The following CSMD2 variants were observed in gnomAD, a reference collection of about 807,000 sequenced individuals.
CSMD2 encodes the protein CUB and sushi domain-containing protein 2.
In CSMD2, 130 loss-of-function variants were observed where a neutral mutation model predicts 398.5. The ratio of observed to expected loss-of-function variants is 0.33; its 90% CI spans 0.28 to 0.38. CSMD2 has a LOEUF of 0.38. Ranked by LOEUF, CSMD2 falls within the 10% of genes least tolerant of loss-of-function variation. The pLI, the probability that CSMD2 is intolerant of heterozygous loss-of-function variation, is 1.00. For synonymous variants in CSMD2, 1,828 were observed against 1,908.5 expected, an observed-to-expected ratio of 0.96 and a Z score of 1.10; for missense variants, 3,829 against 4,764.9, an observed-to-expected ratio of 0.80 and a Z score of 5.78.
chr1:33,935,603 C>T (rs756170676), intron 4 of CSMD2, among the ~76,000 whole-genome samples, 157 bp downstream of exon 4: 8 of 152,160 alleles, frequency 5.3e-5, no homozygotes, highest in Non-Finnish European at 1.2e-4. Context: ...CCCTAGAACA[C>T]TTGAGGACCC....
At chr1:33,937,023 CGTGA>C (rs745453727) in intron 3 of CSMD2, among the ~76,000 whole-genome samples, 13 of 152,278 alleles carry the variant, frequency 8.5e-5, no homozygotes, top group African/African-American at 1.4e-4. Flanking sequence ...CCTGTGGGAC[CGTGA>C]GTAAGTCTTT....
chr1:33,524,960 C>G lies in CSMD2; in HGVS notation c.10318G>C (p.Val3440Leu), dbSNP rs778291440. ...CTGTTGGCAACTTGGAAGCCAGTCA[C>G]TCTGAGCATGGCTGGCTGCTTCTTC... is the stretch of plus-strand genomic sequence containing the variant. Reference protein sequence around the residue: ...QGKKQPAMLRVTGFQVANSKV... With the variant: ...QGKKQPAMLRLTGFQVANSKV... Residue 3440 changes from valine to leucine, a missense_variant, in exon 66 of 71, where the codon GTG becomes CTG. By Grantham distance (32) the Val-to-Leu change is conservative. Coordinates refer to ENST00000373381, the MANE Select transcript of CSMD2 (RefSeq NM_001281956.2). The G allele has an allele frequency of 6.2e-7, 1 of 1,614,240 alleles. No homozygotes were observed. Among genetic ancestry groups the G allele is most frequent in the South Asian group, 1.1e-5 (1 of 91,088 alleles).
intron 5 of CSMD2, among the ~76,000 whole-genome samples, chr1:33,912,364 G>A (rs569640955): frequency 6.6e-6 from 1 of 152,096 alleles, no homozygotes; most frequent in Non-Finnish European, 1.5e-5. Context: ...GATCTACACA[G>A]AAATCCCACG....
At chr1:34,096,144 A>T (rs1226265914) in intron 1 of CSMD2, among the ~76,000 whole-genome samples, 1 of 152,056 alleles carries the variant, frequency 6.6e-6, no homozygotes, top group Admixed American at 6.6e-5. Flanking sequence ...ATATAAACAG[A>T]GCCAAAGACA....
At chr1:34,016,764 T>C (rs374789522) in intron 3 of CSMD2, among the ~76,000 whole-genome samples, 2 of 151,740 alleles carry the variant, frequency 1.3e-5, no homozygotes, top group East Asian at 3.9e-4. Flanking sequence ...GGTTGAAATA[T>C]ATGTATTTAG....
intron 13 of CSMD2, among the ~76,000 whole-genome samples, chr1:33,745,510 T>C (rs1382895079): frequency 6.6e-6 from 1 of 152,178 alleles, no homozygotes; most frequent in Non-Finnish European, 1.5e-5. Flanking sequence ...TGAAAAATAA[T>C]AAAATCATGT....
chr1:33,918,258 G>A lies in CSMD2; in HGVS notation c.756C>T (p.Ile252=). The A allele has an allele frequency of 6.2e-7, 1 of 1,614,144 alleles. No homozygotes were observed. The highest frequency in any genetic ancestry group is 8.5e-7 in the Non-Finnish European group (1 of 1,180,036). ...CGGTLRGQSG[I]ISSPHFPSEY... is the part of the protein sequence containing the mutation. Reference sequence around the variant, plus strand: ...CCGAGGGGAAGTGGGGGCTGGAGATGATGCCACTCTGGCCCCGCAGGGTCC... The same window carrying A: ...CCGAGGGGAAGTGGGGGCTGGAGATAATGCCACTCTGGCCCCGCAGGGTCC... Residue 252 remains isoleucine (I), a synonymous_variant, in exon 5 of 71, where the codon ATC becomes ATT. Transcript: ENST00000373381.
At chr1:33,545,997 G>A in intron 57 of CSMD2, 40 bp downstream of exon 57, 2 of 1,573,430 alleles carry the variant, frequency 1.3e-6, no homozygotes, top group Non-Finnish European at 1.7e-6. Flanking sequence ...GAGCTCTGGG[G>A]CTGGGCAAAG....
intron 24 of CSMD2, among the ~76,000 whole-genome samples, chr1:33,696,568 G>C (rs950459296): frequency 6.6e-6 from 1 of 152,156 alleles, no homozygotes; most frequent in African/African-American, 2.4e-5. Context: ...TCCACAAATA[G>C]AGGAAGTAGC....
At chr1:33,675,169 A>C (rs1571182468) in intron 25 of CSMD2, among the ~76,000 whole-genome samples, 1 of 152,222 alleles carries the variant, frequency 6.6e-6, no homozygotes, top group Admixed American at 6.5e-5. Flanking sequence ...TGAATCCAGG[A>C]GCTAGTTTTT....
In CSMD2 at chr1:33,767,425, TG is replaced by T. The variant is rs139920082; in HGVS notation, c.1846+5143del. Among the ~76,000 whole-genome samples the T allele has an allele frequency of 1.9e-3, 289 of 152,322 alleles. 2 individuals are homozygous for T. The South Asian group carries it at 0.022, about 12-fold the overall frequency. ...CATACCAAAAGTCTCTGTCAAGTAT[TG>T]GCCCTTGAGCTCCAGATACGTCTAG... On this transcript the variant is annotated intron_variant, in intron 13 of 70. Transcript: ENST00000373381.
chr1:33,677,590 C>A (rs867651737), intron 25 of CSMD2, among the ~76,000 whole-genome samples: 8 of 152,158 alleles, frequency 5.3e-5, no homozygotes, highest in South Asian at 2.1e-4. Context: ...CCATTTGATT[C>A]AGCCATTCCA....
At chr1:33,714,468 G>T in intron 21 of CSMD2, 119 bp downstream of exon 21, 1 of 1,189,968 alleles carries the variant, frequency 8.4e-7, no homozygotes. Context: ...GCAGGTAAGT[G>T]TGGTAAGTGT....
intron 5 of CSMD2, among the ~76,000 whole-genome samples, chr1:33,905,024 T>C (rs1417232658): frequency 6.6e-6 from 1 of 152,078 alleles, no homozygotes; most frequent in Admixed American, 6.5e-5. Context: ...AAGCTGGTCT[T>C]GAACTCCTGA....
At chr1:34,075,311 A>AGG (rs1656204568) in intron 2 of CSMD2, among the ~76,000 whole-genome samples, 1 of 152,252 alleles carries the variant, frequency 6.6e-6, no homozygotes, top group Non-Finnish European at 1.5e-5. Context: ...TCTGGAGAGC[A>AGG]GACCCTTCAA....
At position 33,602,498 on chromosome 1, in the gene CSMD2, G is replaced by A. The variant is rs200638784; in HGVS notation, c.6581C>T (p.Pro2194Leu). 5.1e-5 allele frequency: 83 copies of A among 1,612,616 alleles called. No individual in the cohort carries two copies. The highest frequency in any genetic ancestry group is 1.6e-4 in the East Asian group (7 of 44,870). The change falls in exon 43 of 71, where the codon CCG becomes CTG. Residue 2194 changes from proline to leucine, a missense_variant. Pro to Leu is a moderately conservative substitution (Grantham distance 98). Around this residue, in one of 5 missense-constraint regions of CSMD2, gnomAD observed 723 missense variants for 758.6 expected, o/e 0.95. Coordinates refer to ENST00000373381, the MANE Select transcript of CSMD2 (RefSeq NM_001281956.2). ...ITSSNGTVYSPGFPSPYSSSQ... is the reference protein window; with the variant it reads ...ITSSNGTVYSLGFPSPYSSSQ... ...GCTGGAGTACGGGCTAGGGAACCCC[G>A]GGGAGTACACAGTGCCGTTGGAAGA...
At chr1:34,013,492 C>G (rs1185278900) in intron 3 of CSMD2, among the ~76,000 whole-genome samples, 3 of 152,168 alleles carry the variant, frequency 2.0e-5, no homozygotes, top group Non-Finnish European at 4.4e-5. Flanking sequence ...GGGAGCTGGG[C>G]ACCTGCTTCA....
At position 33,602,245 on chromosome 1, in the gene CSMD2, G is replaced by A; in HGVS notation, c.6710+124C>T. 3.0e-6 allele frequency: 3 copies of A among 1,005,126 alleles called. No individual in the cohort carries two copies. The South Asian group carries it at 4.3e-5, about 14-fold the overall frequency. The allele number at this position is 1,005,126 out of a possible 1,614,324, so 62.3% of individuals were successfully genotyped here. On this transcript the variant is annotated intron_variant, in intron 43 of 70. Transcript: ENST00000373381. ...ATGTTTATTTGAAACCCAGGAGGCT[G>A]ACAGCCTTTAAAAACCATTCACCTC... is the stretch of plus-strand genomic sequence containing the variant.
chr1:33,938,625 C>T (rs948638780), intron 3 of CSMD2, among the ~76,000 whole-genome samples: 5 of 151,806 alleles, frequency 3.3e-5, no homozygotes, highest in Admixed American at 6.6e-5. Flanking sequence ...TGGCATTTCC[C>T]ATGATCCCCT....
Sources: allele counts gnomAD v4.1 joint callset (sites outside exome capture counted in the v4.1 genomes callset), GRCh38; gene constraint gnomAD v4.1.1; regional missense constraint gnomAD v4.1.1; transcripts MANE v1.5; gene names NCBI Gene and HGNC (gene_info 2026-07-23, HGNC 2026-07-21).